KCND2: variants seen among roughly 807,000 people sequenced by gnomAD.
KCND2 encodes the protein potassium voltage-gated channel subfamily D member 2.
A neutral mutation model predicts 54.4 loss-of-function variants in KCND2; 16 were observed. The ratio of observed to expected loss-of-function variants is 0.29; its 90% CI spans 0.20 to 0.45. The LOEUF (loss-of-function observed/expected upper bound fraction) is 0.45. Ranked by LOEUF, KCND2 falls within the 20% of genes least tolerant of loss-of-function variation. The probability of loss-of-function intolerance (pLI) is 1.00; values close to 1 mark genes in which losing one functional copy is unlikely to be tolerated. For synonymous variants in KCND2, 317 were observed against 310.7 expected (o/e 1.02, Z -0.21); for missense variants, 486 against 824.2 (o/e 0.59, Z 5.02).
intron 1 of KCND2, among the ~76,000 whole-genome samples, chr7:120,565,524 G>A (rs1252787629): frequency 1.3e-5 from 2 of 152,090 alleles, no homozygotes; most frequent in Admixed American, 1.3e-4. Context: ...TGTGTAACAA[G>A]GTTTCTCTGA....
chr7:120,489,506 A>G (rs538764569), intron 1 of KCND2, among the ~76,000 whole-genome samples: 32 of 152,308 alleles, frequency 2.1e-4, no homozygotes, highest in African/African-American at 7.2e-4. Flanking sequence ...AATAACTTTC[A>G]CAGAAATCCT....
chr7:120,491,538 A>G (rs149507191), intron 1 of KCND2, among the ~76,000 whole-genome samples: 31 of 152,274 alleles, frequency 2.0e-4, no homozygotes, highest in Admixed American at 6.5e-4. Context: ...GCTGATGAAG[A>G]TACTAGCCTA....
chr7:120,311,129 A>G (rs1463466073), intron 1 of KCND2, among the ~76,000 whole-genome samples: 2 of 152,014 alleles, frequency 1.3e-5, no homozygotes, highest in East Asian at 3.9e-4. Flanking sequence ...CATGACATAT[A>G]CGGTTTGTTT....
At chr7:120,462,815 A>G (rs1364643122) in intron 1 of KCND2, among the ~76,000 whole-genome samples, 2 of 152,138 alleles carry the variant, frequency 1.3e-5, no homozygotes, top group Non-Finnish European at 1.5e-5. Flanking sequence ...AATAAGAACC[A>G]TAAGACAAAA....
At chr7:120,395,352 T>A (rs952966884) in intron 1 of KCND2, among the ~76,000 whole-genome samples, 2 of 152,084 alleles carry the variant, frequency 1.3e-5, no homozygotes, top group Admixed American at 6.6e-5. Context: ...TTTATTCCTA[T>A]TTCATTTTCA....
intron 1 of KCND2, among the ~76,000 whole-genome samples, chr7:120,708,194 A>G (rs1332781508): frequency 6.6e-6 from 1 of 152,168 alleles, no homozygotes; most frequent in Non-Finnish European, 1.5e-5. Flanking sequence ...ACAAAAAAGA[A>G]ATACCTTCAA....
rs1281677618 is a variant in KCND2, at chr7:120,273,719, A to G, written c.-914A>G. On this transcript the variant is annotated 5_prime_UTR_variant, in exon 1 of 6. Coordinates refer to ENST00000331113, the MANE Select transcript of KCND2 (RefSeq NM_012281.3). The stretch of plus-strand genomic sequence containing the variant: ...CTCTTCCCTTTCCGGGTGCACGGCG[A>G]GGAGAAAGTCTCTATGCAACTAAGC... The G allele has an allele frequency of 6.6e-6, 1 of 152,528 alleles. No individual in the cohort carries two copies. Among genetic ancestry groups the G allele is most frequent in the African/African-American group, 2.4e-5 (1 of 41,394 alleles). The allele number at this position is 152,528 out of a possible 1,614,324, so 9.4% of individuals were successfully genotyped here.
At chr7:120,372,777 G>A (rs982821441) in intron 1 of KCND2, among the ~76,000 whole-genome samples, 1 of 151,680 alleles carries the variant, frequency 6.6e-6, no homozygotes, top group Non-Finnish European at 1.5e-5. Context: ...TACCTGATAG[G>A]TTTCTTTTTC....
chr7:120,716,371 G>T (rs1280000646), intron 1 of KCND2, among the ~76,000 whole-genome samples: 1 of 151,948 alleles, frequency 6.6e-6, no homozygotes, highest in Non-Finnish European at 1.5e-5. Flanking sequence ...TGTTTATTAG[G>T]TTCTTTGCTC....
chr7:120,399,479 T>C (rs1215326274), intron 1 of KCND2, among the ~76,000 whole-genome samples: 1 of 151,894 alleles, frequency 6.6e-6, no homozygotes, highest in Non-Finnish European at 1.5e-5. Context: ...CTGTCATTTA[T>C]GTAATCTGAT....
At chr7:120,483,468 G>C (rs1802635975) in intron 1 of KCND2, among the ~76,000 whole-genome samples, 1 of 152,148 alleles carries the variant, frequency 6.6e-6, no homozygotes, top group Non-Finnish European at 1.5e-5. Flanking sequence ...TAAAACAATA[G>C]AAATATCTGA....
chr7:120,507,537 A>G (rs1480460382), intron 1 of KCND2, among the ~76,000 whole-genome samples: 1 of 151,960 alleles, frequency 6.6e-6, no homozygotes, highest in African/African-American at 2.4e-5. Context: ...TTCCTTATGG[A>G]ATGTGAACAT....
At chr7:120,477,649 A>G (rs1281671160) in intron 1 of KCND2, among the ~76,000 whole-genome samples, 2 of 151,938 alleles carry the variant, frequency 1.3e-5, no homozygotes, top group East Asian at 3.9e-4. Flanking sequence ...ATGAAAAAAA[A>G]GAAGAGGGGG....
intron 1 of KCND2, among the ~76,000 whole-genome samples, chr7:120,525,596 T>C (rs1408005997): frequency 6.6e-6 from 1 of 152,162 alleles, no homozygotes; most frequent in East Asian, 1.9e-4. Context: ...ACTTGGTGAA[T>C]TCATGCCTTT....
At chr7:120,478,098 A>G (rs1235725666) in intron 1 of KCND2, among the ~76,000 whole-genome samples, 2 of 152,178 alleles carry the variant, frequency 1.3e-5, no homozygotes, top group Non-Finnish European at 2.9e-5. Context: ...AATTTGGAGC[A>G]AACATTTGGA....
intron 1 of KCND2, among the ~76,000 whole-genome samples, chr7:120,409,609 A>T (rs367676327): frequency 1.7e-4 from 26 of 151,904 alleles, no homozygotes; most frequent in African/African-American, 6.0e-4. Flanking sequence ...GTGATCTTTC[A>T]TTGTGGTTTT....
intron 1 of KCND2, among the ~76,000 whole-genome samples, chr7:120,721,791 G>A (rs1792669741): frequency 6.6e-6 from 1 of 152,152 alleles, no homozygotes; most frequent in Non-Finnish European, 1.5e-5. Context: ...GATATGGTTT[G>A]GCTGTGTCCC....
chr7:120,279,592 T>A (rs1799231745), intron 1 of KCND2, among the ~76,000 whole-genome samples: 1 of 151,940 alleles, frequency 6.6e-6, no homozygotes, highest in South Asian at 2.1e-4. Context: ...GTATTATATA[T>A]TTATCTAAAA....
intron 1 of KCND2, among the ~76,000 whole-genome samples, chr7:120,629,649 C>T (rs1311506974): frequency 6.6e-6 from 1 of 152,062 alleles, no homozygotes; most frequent in East Asian, 1.9e-4. Context: ...TCAAGGTGGA[C>T]GCTGCAAGTT....
Sources: allele counts gnomAD v4.1 joint callset (sites outside exome capture counted in the v4.1 genomes callset), GRCh38; gene constraint gnomAD v4.1.1; transcripts MANE v1.5; gene names NCBI Gene and HGNC (gene_info 2026-07-23, HGNC 2026-07-21).